The following PPP6C variants were observed in gnomAD, a reference collection of about 807,000 sequenced individuals.
PPP6C encodes the protein serine/threonine-protein phosphatase 6 catalytic subunit.
PPP6C carries 11 observed loss-of-function variants against 39.8 expected under a neutral mutation model. The ratio of observed to expected loss-of-function variants is 0.28; its 90% CI spans 0.17 to 0.46. The LOEUF is 0.46. Ranked by LOEUF, PPP6C falls within the 20% of genes least tolerant of loss-of-function variation. PPP6C has a pLI of 1.00. For synonymous variants in PPP6C, 129 were observed against 130.3 expected (o/e 0.99, Z 0.07); for missense variants, 211 against 373.9 (o/e 0.56, Z 3.59).
At chr9:125,179,522 C>G (rs961658701) in intron 1 of PPP6C, among the ~76,000 whole-genome samples, 15 of 152,262 alleles carry the variant, frequency 9.9e-5, no homozygotes, top group African/African-American at 3.4e-4. Context: ...ACCAGCCTCA[C>G]CAGGTCTGGG....
At chr9:125,186,571 C>T (rs567924214) in intron 1 of PPP6C, among the ~76,000 whole-genome samples, 1 of 151,724 alleles carries the variant, frequency 6.6e-6, no homozygotes, top group South Asian at 2.1e-4. Flanking sequence ...CATAGCAAGA[C>T]CCTGTCTCTA....
chr9:125,177,702 T>G (rs1251269349), intron 1 of PPP6C, among the ~76,000 whole-genome samples: 1 of 152,190 alleles, frequency 6.6e-6, no homozygotes, highest in African/African-American at 2.4e-5. Flanking sequence ...GGCCATAGTT[T>G]GTTTAAATTA....
chr9:125,165,422 C>T (rs1301284045), intron 2 of PPP6C, among the ~76,000 whole-genome samples: 1 of 151,926 alleles, frequency 6.6e-6, no homozygotes, highest in Non-Finnish European at 1.5e-5. Context: ...CAATAACATA[C>T]CCATCAAAAA....
rs1337171118 is a variant in PPP6C at position 125,150,716 on chromosome 9, GGGCCTGGA to G, written c.670-803_670-796del. The G allele has an allele frequency of 6.0e-6, 5 of 830,954 alleles. No homozygotes were observed. In the African/African-American group the frequency reaches 8.6e-5, roughly 14 times the overall value. The allele number at this position is 830,954 out of a possible 1,614,324, so 51.5% of individuals were successfully genotyped here. A position where few individuals can be genotyped will look rare whatever the true frequency, so the allele number is the denominator to read the frequency against. ...TATCTCAGAAAACTGCCGATCGCCT[GGGCCTGGA>G]GCTCGGCAAGGCAGTGATTGAGAAA... On this transcript the variant is annotated intron_variant, in intron 6 of 6. Transcript: ENST00000373547.
intron 1 of PPP6C, among the ~76,000 whole-genome samples, chr9:125,177,093 G>A (rs1329361383): frequency 3.3e-5 from 5 of 152,094 alleles, no homozygotes; most frequent in Admixed American, 6.6e-5. Context: ...GAGAATTCCC[G>A]GCCGGGCGCG....
chr9:125,171,715 G>A (rs1031954346), intron 1 of PPP6C, among the ~76,000 whole-genome samples: 88 of 151,268 alleles, frequency 5.8e-4, no homozygotes, highest in African/African-American at 1.8e-3. Flanking sequence ...CACCACACCC[G>A]GCTAATTTTT....
At chr9:125,183,806 T>A (rs1049013229) in intron 1 of PPP6C, among the ~76,000 whole-genome samples, 2 of 152,198 alleles carry the variant, frequency 1.3e-5, no homozygotes, top group African/African-American at 4.8e-5. Context: ...ACATACTGCT[T>A]CTTCTGTTTG....
At chr9:125,165,475 C>CA (rs1214997832) in intron 2 of PPP6C, among the ~76,000 whole-genome samples, 2 of 151,842 alleles carry the variant, frequency 1.3e-5, no homozygotes, top group Non-Finnish European at 2.9e-5. Flanking sequence ...TTTTCCAAAA[C>CA]AAAAAAATTG....
chr9:125,165,796 T>A (rs1446990123), intron 2 of PPP6C, among the ~76,000 whole-genome samples: 2 of 51,434 alleles, frequency 3.9e-5, no homozygotes, highest in African/African-American at 1.7e-4. Flanking sequence ...AATCTTTTGC[T>A]TTTTTTTTTT....
At chr9:125,160,978 A>C in intron 2 of PPP6C, 72 bp from the exon 3 acceptor site, 1 of 1,106,834 alleles carries the variant, frequency 9.0e-7, no homozygotes, top group South Asian at 1.5e-5. Context: ...CTGAGAGTGA[A>C]ATGTGTAAAG....
intron 2 of PPP6C, 96 bp from the exon 3 acceptor site, chr9:125,161,002 G>T: frequency 1.4e-6 from 1 of 724,132 alleles, no homozygotes; most frequent in Non-Finnish European, 2.2e-6. Context: ...CAGCTAAGAG[G>T]ACTCCAAATA....
chr9:125,159,808 G>A (rs1259318784), intron 3 of PPP6C, among the ~76,000 whole-genome samples: 1 of 152,208 alleles, frequency 6.6e-6, no homozygotes, highest in Non-Finnish European at 1.5e-5. Context: ...CGGATCACGA[G>A]TTCAAGAGAT....
At chr9:125,189,060 A>G in intron 1 of PPP6C, 1 of 760,622 alleles carries the variant, frequency 1.3e-6, no homozygotes, top group South Asian at 1.9e-5. Flanking sequence ...CCTCTGAATT[A>G]GCAAAACCGA....
chr9:125,163,559 T>G (rs1828937469), intron 2 of PPP6C, among the ~76,000 whole-genome samples: 1 of 152,034 alleles, frequency 6.6e-6, no homozygotes. Context: ...GCCTCCCGAG[T>G]AGCTGGGATT....
Position 125,180,047 on chromosome 9 carries a change from T to C in PPP6C, c.76-8867A>G, listed in dbSNP as rs189679922. On this transcript the variant is annotated intron_variant, in intron 1 of 6. Transcript: ENST00000373547. ...GTAAGAGTCAATGGTTTTCATTATA[T>C]TCACAGTGGTGGCAACCATCACCAT... Among the ~76,000 whole-genome samples the C allele has an allele frequency of 2.2e-3, 336 of 152,328 alleles. 3 individuals carry two copies. The highest frequency in any genetic ancestry group is 7.7e-3 in the African/African-American group (320 of 41,576).
intron 1 of PPP6C, among the ~76,000 whole-genome samples, chr9:125,177,072 A>C (rs989327866): frequency 6.6e-6 from 1 of 152,164 alleles, no homozygotes. Flanking sequence ...AAAATTGAGC[A>C]GAAAAGTACA....
chr9:125,150,708 G>A (rs879297494), intron 6 of PPP6C: 26 of 853,240 alleles, frequency 3.0e-5, no homozygotes, highest in Admixed American at 9.4e-5. Context: ...GAAAACTGCC[G>A]ATCGCCTGGG....
intron 1 of PPP6C, among the ~76,000 whole-genome samples, chr9:125,179,325 G>A (rs1829374866): frequency 6.6e-6 from 1 of 152,108 alleles, no homozygotes; most frequent in African/African-American, 2.4e-5. Flanking sequence ...TCTTGATAGG[G>A]TCTTTCACAA....
rs374072750 is a variant in PPP6C at position 125,189,736 on chromosome 9, G to A, written c.-18C>T. The stretch of plus-strand genomic sequence containing the variant: ...GGCGCCATTTTAAGAATAACAAGCC[G>A]CGGCAACAGCGGCGGCGGCGGCTGT... On this transcript the variant is annotated 5_prime_UTR_variant, in exon 1 of 7. Transcript: ENST00000373547. The A allele has an allele frequency of 6.4e-6, 10 of 1,563,354 alleles. No homozygotes were observed. Among genetic ancestry groups the A allele is most frequent in the South Asian group, 1.2e-5 (1 of 86,080 alleles).
Sources: allele counts gnomAD v4.1 joint callset (sites outside exome capture counted in the v4.1 genomes callset), GRCh38; gene constraint gnomAD v4.1.1; transcripts MANE v1.5; gene names NCBI Gene and HGNC (gene_info 2026-07-23, HGNC 2026-07-21).